PINX1: variants seen among roughly 807,000 people sequenced by gnomAD.
The protein encoded by PINX1 is PIN2/TERF1-interacting telomerase inhibitor 1.
A neutral mutation model predicts 25.4 loss-of-function variants in PINX1; 34 were observed. The observed-to-expected ratio is 1.34, with a 90% CI of 1.02 to 1.78. PINX1 has a LOEUF of 1.78. Ranked by LOEUF, PINX1 falls within the 40% of genes most tolerant of loss-of-function variation. The probability of loss-of-function intolerance (pLI) is 0.00; values close to 1 mark genes in which losing one functional copy is unlikely to be tolerated. For missense variants in PINX1, 592 were observed against 404.9 expected, an observed-to-expected ratio of 1.46 and a Z score of -3.97; for synonymous variants, 197 against 147.7, an observed-to-expected ratio of 1.33 and a Z score of -2.42.
chr8:10,784,150 C>T (rs1801676355), intron 6 of PINX1, among the ~76,000 whole-genome samples: 1 of 152,216 alleles, frequency 6.6e-6, no homozygotes, highest in Non-Finnish European at 1.5e-5. Context: ...AGTCATGCTT[C>T]TGCCTGTATA....
intron 6 of PINX1, among the ~76,000 whole-genome samples, chr8:10,783,786 AC>A: frequency 6.6e-6 from 1 of 152,336 alleles, no homozygotes; most frequent in South Asian, 2.1e-4. Context: ...AAGTACTATT[AC>A]TCAGAACTAT....
chr8:10,809,188 A>G (rs1429040709), intron 6 of PINX1, among the ~76,000 whole-genome samples: 4 of 152,242 alleles, frequency 2.6e-5, no homozygotes, highest in Non-Finnish European at 5.9e-5. Context: ...AGGAAAGAAC[A>G]GAAGATAAAT....
At chr8:10,784,416 C>T (rs1201988288) in intron 6 of PINX1, among the ~76,000 whole-genome samples, 2 of 152,202 alleles carry the variant, frequency 1.3e-5, no homozygotes, top group Non-Finnish European at 2.9e-5. Flanking sequence ...ACTCTACTTA[C>T]AAGTTTCAGC....
chr8:10,779,901 C>T (rs981859980), intron 6 of PINX1, among the ~76,000 whole-genome samples: 1 of 152,138 alleles, frequency 6.6e-6, no homozygotes, highest in Non-Finnish European at 1.5e-5. Flanking sequence ...AGAAAGGAAT[C>T]AGGGAGAAAG....
intron 6 of PINX1, among the ~76,000 whole-genome samples, chr8:10,780,726 A>C (rs1801559769): frequency 1.3e-5 from 2 of 152,226 alleles, no homozygotes; most frequent in Non-Finnish European, 2.9e-5. Context: ...AGATAGATGG[A>C]AAGATATTCC....
intron 6 of PINX1, among the ~76,000 whole-genome samples, chr8:10,791,898 G>A (rs1056981144): frequency 2.6e-5 from 4 of 152,188 alleles, no homozygotes; most frequent in East Asian, 1.9e-4. Flanking sequence ...GACAAGAAGC[G>A]TGCAGCTTTT....
intron 6 of PINX1, among the ~76,000 whole-genome samples, chr8:10,793,737 T>C (rs567019876): frequency 6.6e-6 from 1 of 151,576 alleles, no homozygotes; most frequent in Non-Finnish European, 1.5e-5. Context: ...AAAACAAAAG[T>C]ATAGTGAATT....
chr8:10,815,840 A>G (rs1797679721), intron 6 of PINX1, among the ~76,000 whole-genome samples: 3 of 152,242 alleles, frequency 2.0e-5, no homozygotes, highest in Admixed American at 2.0e-4. Context: ...TGATCTCTAC[A>G]AGGAGTTCTC....
rs766351528 is a variant in PINX1 at position 10,799,624 on chromosome 8, T to C, written c.471+20569A>G. 6.6e-5 allele frequency among the ~76,000 whole-genome samples: 10 copies of C among 152,294 alleles called. No homozygotes were observed. The South Asian group carries it at 8.3e-4, about 13-fold the overall frequency. On this transcript the variant is annotated intron_variant, in intron 6 of 6. Coordinates refer to ENST00000314787, the MANE Select transcript of PINX1 (RefSeq NM_017884.6). ...CAAAAGTGGAGCCACTCAGACCACA[T>C]TGGTGACCACTCCACAGCAGTCTAA...
At chr8:10,819,188 C>T (rs1797790810) in intron 6 of PINX1, among the ~76,000 whole-genome samples, 1 of 152,224 alleles carries the variant, frequency 6.6e-6, no homozygotes, top group African/African-American at 2.4e-5. Context: ...GGAATTCAGT[C>T]CCAATCTGCA....
intron 6 of PINX1, among the ~76,000 whole-genome samples, chr8:10,774,488 T>C (rs942612911): frequency 4.6e-5 from 7 of 152,038 alleles, no homozygotes; most frequent in Non-Finnish European, 8.8e-5. Flanking sequence ...TCCATGTTGG[T>C]CAGGCTGGTC....
intron 6 of PINX1, among the ~76,000 whole-genome samples, chr8:10,809,432 T>A (rs556859560): frequency 1.3e-5 from 2 of 152,354 alleles, no homozygotes; most frequent in South Asian, 4.1e-4. Context: ...CTTCCTTTTA[T>A]CAAAAGCTGT....
intron 6 of PINX1, among the ~76,000 whole-genome samples, chr8:10,775,647 T>C (rs1287254881): frequency 1.3e-5 from 2 of 152,124 alleles, no homozygotes; most frequent in African/African-American, 4.8e-5. Flanking sequence ...GGCACTGCTA[T>C]AAAATATCAG....
intron 6 of PINX1, among the ~76,000 whole-genome samples, chr8:10,783,664 T>G (rs967271964): frequency 1.3e-5 from 2 of 152,140 alleles, no homozygotes; most frequent in African/African-American, 4.8e-5. Context: ...GGATTATACC[T>G]TACCCATTTA....
At chr8:10,832,458 A>T (rs1489780416) in intron 3 of PINX1, among the ~76,000 whole-genome samples, 1 of 152,208 alleles carries the variant, frequency 6.6e-6, no homozygotes, top group Non-Finnish European at 1.5e-5. Context: ...GAAAATAAGT[A>T]TATCTGTGTT....
chr8:10,773,738 G>T (rs1801302295), intron 6 of PINX1, among the ~76,000 whole-genome samples: 1 of 152,186 alleles, frequency 6.6e-6, no homozygotes, highest in South Asian at 2.1e-4. Context: ...GTTTTAAAAG[G>T]ATGGTTCTCT....
chr8:10,817,700 T>C (rs1291060000), intron 6 of PINX1, among the ~76,000 whole-genome samples: 1 of 152,120 alleles, frequency 6.6e-6, no homozygotes, highest in African/African-American at 2.4e-5. Context: ...GCTCCTCGGA[T>C]GGGGATGTAC....
rs898391697 is a variant in PINX1 at position 10,833,525 on chromosome 8, G to C, written c.130-541C>G. On this transcript the variant is annotated intron_variant, in intron 2 of 6. Coordinates refer to ENST00000314787, the MANE Select transcript of PINX1 (RefSeq NM_017884.6). ...TCAAGTGATGACAGTGGCTGAAGCA[G>C]GGCTCTGCCCTGCATGGAGAAGAGA... 1.4e-4 allele frequency: 22 copies of C among 158,532 alleles called. 2 individuals carry two copies. The highest frequency in any genetic ancestry group is 2.9e-4 in the Non-Finnish European group (21 of 72,068). 9.8% of individuals were successfully genotyped at this position (158,532 alleles called of 1,614,324 possible). A position where few individuals can be genotyped will look rare whatever the true frequency, so the allele number is the denominator to read the frequency against.
At chr8:10,766,300 A>G (rs895140459) in intron 6 of PINX1, among the ~76,000 whole-genome samples, 2 of 152,234 alleles carry the variant, frequency 1.3e-5, no homozygotes, top group Non-Finnish European at 2.9e-5. Context: ...AAACAGGGAC[A>G]CTGGTGTTCC....
Sources: gnomAD v4.1 joint callset for allele counts (sites outside exome capture counted in the v4.1 genomes callset) on GRCh38, gnomAD v4.1.1 for gene constraint, MANE v1.5 for transcripts, NCBI Gene and HGNC (gene_info 2026-07-23, HGNC 2026-07-21) for gene names.